Variants in MCC observed in about 807,000 individuals in gnomAD.
MCC encodes colorectal mutant cancer protein.
MCC carries 90 observed loss-of-function variants against 116.2 expected under a neutral mutation model. The ratio of observed to expected loss-of-function variants is 0.77; its 90% CI spans 0.65 to 0.92. The LOEUF is 0.92. Ranked by LOEUF, MCC falls within the 40% of genes least tolerant of loss-of-function variation. The probability of loss-of-function intolerance (pLI) is 0.00; values close to 1 mark genes in which losing one functional copy is unlikely to be tolerated. For missense variants in MCC, 1,516 were observed against 1,312.2 expected, an observed-to-expected ratio of 1.16 and a Z score of -2.40; for synonymous variants, 578 against 510.5, an observed-to-expected ratio of 1.13 and a Z score of -1.78.
chr5:113,053,320 C>T (rs1000263102), intron 15 of MCC, among the ~76,000 whole-genome samples: 2 of 152,168 alleles, frequency 1.3e-5, no homozygotes, highest in African/African-American at 4.8e-5. Flanking sequence ...GGCTCTCGGC[C>T]AAACTCTACA....
At chr5:113,259,511 G>GA (rs58977384) in intron 3 of MCC, among the ~76,000 whole-genome samples, 2 of 151,182 alleles carry the variant, frequency 1.3e-5, no homozygotes, top group South Asian at 2.1e-4. Flanking sequence ...ATTTACTAAA[G>GA]AAAAAAAAAT....
chr5:113,256,437 C>A (rs763815678), intron 3 of MCC, among the ~76,000 whole-genome samples: 3 of 152,142 alleles, frequency 2.0e-5, no homozygotes, highest in Non-Finnish European at 2.9e-5. Flanking sequence ...AGGAAAGAGT[C>A]ACCAAGCTAT....
intron 2 of MCC, among the ~76,000 whole-genome samples, chr5:113,381,126 G>C (rs924350011): frequency 6.6e-6 from 1 of 152,214 alleles, no homozygotes; most frequent in Non-Finnish European, 1.5e-5. Context: ...GGCAAGGCAA[G>C]ATATGATGGT....
rs553089989 is a variant in MCC at position 113,258,953 on chromosome 5, G to A, written c.627+81566C>T. On this transcript the variant is annotated intron_variant, in intron 3 of 18. Transcript: ENST00000408903. ...ACAAGAACAAGGTCTGTACTACTCCGACCACATAATTATGCTTTTTGCTAT... is the reference window on the plus strand; with the variant it reads ...ACAAGAACAAGGTCTGTACTACTCCAACCACATAATTATGCTTTTTGCTAT... Among the ~76,000 whole-genome samples, 15 of 152,148 alleles carry A rather than the reference G, an allele frequency of 9.9e-5. No individual in the cohort carries two copies. The South Asian group carries it at 2.5e-3, about 25-fold the overall frequency.
intron 4 of MCC, among the ~76,000 whole-genome samples, chr5:113,150,873 A>G (rs1233615948): frequency 3.3e-5 from 5 of 152,118 alleles, no homozygotes; most frequent in Non-Finnish European, 7.4e-5. Context: ...ATCAGCCTGG[A>G]CAACATGGCG....
At chr5:113,177,423 A>C (rs1561430430) in intron 3 of MCC, among the ~76,000 whole-genome samples, 1 of 152,252 alleles carries the variant, frequency 6.6e-6, no homozygotes, top group Non-Finnish European at 1.5e-5. Flanking sequence ...GTGCAATGAC[A>C]CAATGTGGAC....
chr5:113,470,010 C>CT (rs1318322100), intron 1 of MCC, among the ~76,000 whole-genome samples: 1 of 152,026 alleles, frequency 6.6e-6, no homozygotes, highest in East Asian at 1.9e-4. Context: ...CAACCTCTGC[C>CT]TTTTTTTGTT....
chr5:113,394,541 C>A (rs1473074666), intron 1 of MCC, among the ~76,000 whole-genome samples: 1 of 152,146 alleles, frequency 6.6e-6, no homozygotes, highest in Non-Finnish European at 1.5e-5. Flanking sequence ...CACCAAATTT[C>A]TTTTAGCTTC....
At chr5:113,052,733 G>C (rs1752567219) in intron 15 of MCC, among the ~76,000 whole-genome samples, 1 of 152,152 alleles carries the variant, frequency 6.6e-6, no homozygotes, top group Non-Finnish European at 1.5e-5. Flanking sequence ...GCTCTGGCTT[G>C]CTAGACTCCA....
chr5:113,466,165 G>T (rs1043819076), intron 1 of MCC, among the ~76,000 whole-genome samples: 113 of 101,114 alleles, frequency 1.1e-3, no homozygotes, highest in African/African-American at 4.2e-3. Flanking sequence ...AAGTTGAGTA[G>T]CCATTCTTTT....
intron 1 of MCC, among the ~76,000 whole-genome samples, chr5:113,448,924 T>G (rs1390536416): frequency 6.6e-6 from 1 of 152,244 alleles, no homozygotes; most frequent in East Asian, 1.9e-4. Context: ...AAAGAAGGTT[T>G]GAAATGTGGA....
At chr5:113,325,777 G>A (rs1767536519) in intron 3 of MCC, among the ~76,000 whole-genome samples, 1 of 152,050 alleles carries the variant, frequency 6.6e-6, no homozygotes, top group African/African-American at 2.4e-5. Context: ...GAATTTCACA[G>A]AAATTTTAAA....
chr5:113,390,484 T>C (rs1359900395), intron 1 of MCC, among the ~76,000 whole-genome samples: 1 of 152,218 alleles, frequency 6.6e-6, no homozygotes. Context: ...GATTGATGCT[T>C]CTCACTCAAA....
chr5:113,110,499 G>A (rs538375855), intron 6 of MCC, among the ~76,000 whole-genome samples: 1 of 152,368 alleles, frequency 6.6e-6, no homozygotes, highest in African/African-American at 2.4e-5. Flanking sequence ...GAAGTGATGT[G>A]ATGCCAGTCT....
At chr5:113,108,152 C>G (rs1365856593) in intron 6 of MCC, among the ~76,000 whole-genome samples, 1 of 151,650 alleles carries the variant, frequency 6.6e-6, no homozygotes, top group Non-Finnish European at 1.5e-5. Context: ...CAAGACTGGC[C>G]TGGCCAATAT....
chr5:113,076,696 T>TA (rs1754479403), intron 11 of MCC, among the ~76,000 whole-genome samples: 1 of 152,202 alleles, frequency 6.6e-6, no homozygotes, highest in African/African-American at 2.4e-5. Context: ...TACCAGCCAC[T>TA]ACAAAAACAT....
intron 8 of MCC, among the ~76,000 whole-genome samples, chr5:113,093,284 CA>C (rs1288471489): frequency 7.9e-5 from 12 of 152,204 alleles, no homozygotes; most frequent in Admixed American, 7.8e-4. Context: ...CAAATTACAA[CA>C]AAAGCCAGGC....
At chr5:113,396,774 C>G (rs4583882) in intron 1 of MCC, among the ~76,000 whole-genome samples, 41,024 of 152,026 alleles carry the variant, frequency 0.27, 7,500 homozygotes, top group African/African-American at 0.51. Context: ...TGTTGTATTC[C>G]CAATACCAAG....
intron 1 of MCC, among the ~76,000 whole-genome samples, chr5:113,462,365 T>C (rs945838151): frequency 6.6e-6 from 1 of 152,246 alleles, no homozygotes; most frequent in African/African-American, 2.4e-5. Context: ...CAGGGCAGCA[T>C]TCAACAGAAA....
Sources: gnomAD v4.1 joint callset for allele counts (sites outside exome capture counted in the v4.1 genomes callset) on GRCh38, gnomAD v4.1.1 for gene constraint, MANE v1.5 for transcripts, NCBI Gene and HGNC (gene_info 2026-07-23, HGNC 2026-07-21) for gene names.